ATF6: variants seen among roughly 807,000 people sequenced by gnomAD.
ATF6 encodes the protein activating transcription factor 6.
In ATF6, 53 loss-of-function variants were observed where a neutral mutation model predicts 83.6. The observed-to-expected ratio is 0.63, with a 90% CI of 0.51 to 0.80. ATF6 has a LOEUF of 0.80. ATF6 is among the 30% of genes least tolerant of loss of function. The pLI is 0.00. For missense variants in ATF6, 744 were observed against 797.9 expected (o/e 0.93, Z 0.81); for synonymous variants, 288 against 285.8 (o/e 1.01, Z -0.08).
At chr1:161,870,494 G>T (rs1427489829) in intron 14 of ATF6, among the ~76,000 whole-genome samples, 1 of 151,730 alleles carries the variant, frequency 6.6e-6, no homozygotes, top group Non-Finnish European at 1.5e-5. Flanking sequence ...GTATTCTAGA[G>T]CTTCTCATAG....
At chr1:161,776,869 A>G (rs775938005) in intron 1 of ATF6, among the ~76,000 whole-genome samples, 17 of 152,226 alleles carry the variant, frequency 1.1e-4, no homozygotes, top group Admixed American at 4.6e-4. Flanking sequence ...AGCTGAGATT[A>G]CCAAGGAAGT....
At chr1:161,771,708 G>A (rs1684393855) in intron 1 of ATF6, among the ~76,000 whole-genome samples, 1 of 152,142 alleles carries the variant, frequency 6.6e-6, no homozygotes, top group African/African-American at 2.4e-5. Flanking sequence ...CAGACCCCTG[G>A]GGTCAAAGGA....
chr1:161,930,361 A>G lies in ATF6; in HGVS notation c.1804+17981A>G, dbSNP rs111787169. Reference sequence around the variant, plus strand: ...TTTGTCATCATTATTTTTGGCTTCTATCTTTATGAGAGCCATTTTAGTTTT... The same window carrying G: ...TTTGTCATCATTATTTTTGGCTTCTGTCTTTATGAGAGCCATTTTAGTTTT... On this transcript the variant is annotated intron_variant, in intron 15 of 15. Transcript: ENST00000367942. 9.9e-3 allele frequency among the ~76,000 whole-genome samples: 1,512 copies of G among 152,300 alleles called. 8 individuals are homozygous for G. Among genetic ancestry groups the G allele is most frequent in the South Asian group, 0.017 (83 of 4,830 alleles).
chr1:161,806,624 C>G (rs1415494644), intron 7 of ATF6, among the ~76,000 whole-genome samples: 1 of 152,084 alleles, frequency 6.6e-6, no homozygotes, highest in Non-Finnish European at 1.5e-5. Context: ...CTCAGTCACC[C>G]CACTGAATAT....
rs869240831 is a variant in ATF6, at chr1:161,812,371, C to CTTTTTT, written c.910-7228_910-7223dup. On this transcript the variant is annotated intron_variant, in intron 7 of 15. Coordinates refer to ENST00000367942, the MANE Select transcript of ATF6 (RefSeq NM_007348.4). ...GAGCTGGAATGGGAGCAGGTATTTT[C>CTTTTTT]TTTTTTTTTTTTTTTTTTTTTTTTT... Among the ~76,000 whole-genome samples the CTTTTTT allele has an allele frequency of 3.5e-4, 12 of 34,390 alleles. 3 individuals are homozygous for CTTTTTT. Among genetic ancestry groups the CTTTTTT allele is most frequent in the Non-Finnish European group, 6.2e-4 (11 of 17,770 alleles). The allele number at this position is 34,390 out of a possible 152,430, so 22.6% of individuals were successfully genotyped here.
chr1:161,851,818 C>T lies in ATF6; in HGVS notation c.1416C>T (p.Asn472=), dbSNP rs1135984. ...CACCTCCTTGTCAGCCCCTAATTAA[C>T]ACAACAGAGTCTCTCAGGTGAGTGT... is the stretch of plus-strand genomic sequence containing the variant. ...IPPPPCQPLI[N]TTESLRLNHE... is the part of the protein sequence containing the mutation. The change falls in exon 11 of 16, where the codon AAC becomes AAT. Residue 472 remains asparagine (N), a synonymous_variant. Transcript: ENST00000367942. 6.7e-4 allele frequency: 1,073 copies of T among 1,612,814 alleles called. 8 individuals are homozygous for T. The African/African-American group carries it at 0.011, about 16-fold the overall frequency.
At chr1:161,896,446 A>G (rs1411974770) in intron 14 of ATF6, among the ~76,000 whole-genome samples, 1 of 152,136 alleles carries the variant, frequency 6.6e-6, no homozygotes, top group African/African-American at 2.4e-5. Flanking sequence ...TGCTTGCTTT[A>G]TTTTGATGAG....
intron 14 of ATF6, among the ~76,000 whole-genome samples, chr1:161,868,860 G>A (rs1687066387): frequency 6.6e-6 from 1 of 152,108 alleles, no homozygotes; most frequent in Non-Finnish European, 1.5e-5. Context: ...TCACCTGAGT[G>A]TAGTGTTTAA....
At chr1:161,953,500 C>T (rs1263142541) in intron 15 of ATF6, among the ~76,000 whole-genome samples, 1 of 152,160 alleles carries the variant, frequency 6.6e-6, no homozygotes, top group Non-Finnish European at 1.5e-5. Flanking sequence ...GCCCAGTGTC[C>T]ACAATACCCT....
At chr1:161,899,993 T>C (rs1687749849) in intron 14 of ATF6, among the ~76,000 whole-genome samples, 2 of 152,222 alleles carry the variant, frequency 1.3e-5, no homozygotes, top group South Asian at 2.1e-4. Flanking sequence ...GTTTTCTCCA[T>C]GTGTCTGCAC....
At chr1:161,917,459 C>A (rs1319275586) in intron 15 of ATF6, among the ~76,000 whole-genome samples, 2 of 150,524 alleles carry the variant, frequency 1.3e-5, no homozygotes, top group African/African-American at 4.9e-5. Context: ...CTCGCTCTGT[C>A]GCCTGGGTTG....
intron 9 of ATF6, among the ~76,000 whole-genome samples, chr1:161,822,880 C>A (rs535612473): frequency 8.2e-4 from 125 of 152,298 alleles, no homozygotes; most frequent in Admixed American, 2.8e-3. Flanking sequence ...ATATAAACAT[C>A]TATTCCCACA....
chr1:161,835,827 G>C (rs1482115455), intron 9 of ATF6, among the ~76,000 whole-genome samples: 1 of 152,106 alleles, frequency 6.6e-6, no homozygotes, highest in Admixed American at 6.5e-5. Context: ...TATTTTAAAG[G>C]TCACTATAGT....
At position 161,817,034 on chromosome 1, in the gene ATF6, A is replaced by G. The variant is rs1370287489; in HGVS notation, c.910-2599A>G. On this transcript the variant is annotated intron_variant, in intron 7 of 15. Transcript: ENST00000367942. ...TTGATAGTATTGAATATTTATTTTC[A>G]GAACTATTATAGTGTATCTGTTTCT... Among the ~76,000 whole-genome samples the G allele has an allele frequency of 2.0e-5, 3 of 152,188 alleles. 1 individual carries two copies. The highest frequency in any genetic ancestry group is 4.1e-4 in the South Asian group (2 of 4,834).
chr1:161,794,966 G>T (rs891745329), intron 6 of ATF6, among the ~76,000 whole-genome samples: 14 of 152,268 alleles, frequency 9.2e-5, no homozygotes, highest in Admixed American at 4.6e-4. Flanking sequence ...GATGACTTCC[G>T]TTTTTCTATC....
At chr1:161,919,435 T>C in intron 15 of ATF6, among the ~76,000 whole-genome samples, 1 of 152,202 alleles carries the variant, frequency 6.6e-6, no homozygotes, top group East Asian at 1.9e-4. Flanking sequence ...GGTAAAACTG[T>C]TCATTTCCTT....
chr1:161,807,375 TC>T, intron 7 of ATF6, among the ~76,000 whole-genome samples: 1 of 152,332 alleles, frequency 6.6e-6, no homozygotes, highest in South Asian at 2.1e-4. Flanking sequence ...GAGCTGAATC[TC>T]CTTAAATTAT....
At chr1:161,796,397 T>A (rs1336474221) in intron 6 of ATF6, among the ~76,000 whole-genome samples, 1 of 152,206 alleles carries the variant, frequency 6.6e-6, no homozygotes, top group African/African-American at 2.4e-5. Context: ...TGGCTTCCTA[T>A]AATACTCTTC....
At chr1:161,827,755 G>C (rs1685938794) in intron 9 of ATF6, among the ~76,000 whole-genome samples, 1 of 152,120 alleles carries the variant, frequency 6.6e-6, no homozygotes, top group African/African-American at 2.4e-5. Flanking sequence ...TATAAAGTAA[G>C]AGAGTTTTGT....
Sources: allele counts gnomAD v4.1 joint callset (sites outside exome capture counted in the v4.1 genomes callset), GRCh38; gene constraint gnomAD v4.1.1; transcripts MANE v1.5; gene names NCBI Gene and HGNC (gene_info 2026-07-23, HGNC 2026-07-21).